Variants in CDKAL1 observed in about 807,000 individuals in gnomAD.
CDKAL1 encodes CDKAL1 threonylcarbamoyladenosine tRNA methylthiotransferase, also known as threonylcarbamoyladenosine tRNA methylthiotransferase.
In CDKAL1, 32 loss-of-function variants were observed where a neutral mutation model predicts 68.2. The observed-to-expected ratio is 0.47, with a 90% CI of 0.35 to 0.63. The LOEUF is 0.63. Ranked by LOEUF, CDKAL1 falls within the 30% of genes least tolerant of loss-of-function variation. The probability of loss-of-function intolerance (pLI) is 0.00; values close to 1 mark genes in which losing one functional copy is unlikely to be tolerated. For missense variants in CDKAL1, 606 were observed against 696.7 expected (o/e 0.87, Z 1.47); for synonymous variants, 234 against 244.3 (o/e 0.96, Z 0.39).
chr6:20,856,118 G>A (rs1759323077), intron 9 of CDKAL1, among the ~76,000 whole-genome samples: 1 of 152,204 alleles, frequency 6.6e-6, no homozygotes, highest in Admixed American at 6.5e-5. Context: ...TGAGAGCCAT[G>A]CGTCTCTGCT....
At chr6:20,963,227 G>T (rs1056997668) in intron 10 of CDKAL1, among the ~76,000 whole-genome samples, 1 of 151,942 alleles carries the variant, frequency 6.6e-6, no homozygotes, top group Non-Finnish European at 1.5e-5. Flanking sequence ...AAAATTATAG[G>T]CTCTACCTAA....
chr6:20,536,516 C>T (rs1332264238), intron 2 of CDKAL1, among the ~76,000 whole-genome samples: 2 of 151,888 alleles, frequency 1.3e-5, no homozygotes, highest in Non-Finnish European at 2.9e-5. Context: ...ACGCTTTCCC[C>T]CTTGAATTGT....
chr6:20,616,130 A>G (rs1245319009), intron 4 of CDKAL1, among the ~76,000 whole-genome samples: 7 of 150,168 alleles, frequency 4.7e-5, no homozygotes, highest in African/African-American at 1.5e-4. Flanking sequence ...GTTCTGTTCC[A>G]TTGATCTATA....
At chr6:21,134,438 TATTA>T (rs573130296) in intron 13 of CDKAL1, among the ~76,000 whole-genome samples, 4 of 152,256 alleles carry the variant, frequency 2.6e-5, no homozygotes, top group East Asian at 1.9e-4. Flanking sequence ...TTTTATGTTT[TATTA>T]ATTATGTTTT....
chr6:20,777,448 A>T (rs943066505), intron 7 of CDKAL1, among the ~76,000 whole-genome samples: 2 of 152,072 alleles, frequency 1.3e-5, no homozygotes, highest in African/African-American at 2.4e-5. Flanking sequence ...CCTCATCTCT[A>T]TAAAAAAAAT....
intron 5 of CDKAL1, among the ~76,000 whole-genome samples, chr6:20,681,536 T>C (rs774862705): frequency 8.5e-5 from 13 of 152,232 alleles, no homozygotes; most frequent in African/African-American, 2.7e-4. Context: ...GTGACTGTTA[T>C]CAGTTTACTT....
intron 5 of CDKAL1, among the ~76,000 whole-genome samples, chr6:20,650,906 G>C (rs1768732441): frequency 6.6e-6 from 1 of 152,000 alleles, no homozygotes. Flanking sequence ...CTGTTTCCTT[G>C]GTCTATGTAT....
At chr6:20,541,079 A>G (rs1401961760) in intron 2 of CDKAL1, among the ~76,000 whole-genome samples, 2 of 152,226 alleles carry the variant, frequency 1.3e-5, no homozygotes, top group Non-Finnish European at 2.9e-5. Context: ...GTCTTTAATA[A>G]TGCACACTGT....
chr6:21,197,314 C>T (rs1778514398), intron 13 of CDKAL1, among the ~76,000 whole-genome samples: 1 of 152,122 alleles, frequency 6.6e-6, no homozygotes, highest in Admixed American at 6.5e-5. Context: ...AAATGGGTGC[C>T]TAGATCATAA....
intron 9 of CDKAL1, among the ~76,000 whole-genome samples, chr6:20,860,837 A>G (rs1355053171): frequency 6.6e-6 from 1 of 151,882 alleles, no homozygotes; most frequent in Non-Finnish European, 1.5e-5. Flanking sequence ...AAAAAAAAAT[A>G]CTTGCTGAAT....
chr6:20,907,864 C>A (rs762144907), intron 9 of CDKAL1, among the ~76,000 whole-genome samples: 3 of 152,180 alleles, frequency 2.0e-5, no homozygotes, highest in Non-Finnish European at 2.9e-5. Context: ...CCAAGCACTT[C>A]TTGTGGGCAC....
At chr6:20,564,398 G>A (rs1182743666) in intron 4 of CDKAL1, among the ~76,000 whole-genome samples, 1 of 152,102 alleles carries the variant, frequency 6.6e-6, no homozygotes, top group Non-Finnish European at 1.5e-5. Context: ...GTTTACCTAT[G>A]TTTAATATTT....
At chr6:20,917,228 G>T (rs868140043) in intron 9 of CDKAL1, among the ~76,000 whole-genome samples, 1 of 152,094 alleles carries the variant, frequency 6.6e-6, no homozygotes, top group African/African-American at 2.4e-5. Flanking sequence ...TGATCCGCCC[G>T]CCTCGGCCTC....
intron 11 of CDKAL1, among the ~76,000 whole-genome samples, chr6:21,060,889 T>A (rs888459226): frequency 1.3e-5 from 2 of 152,156 alleles, no homozygotes; most frequent in Non-Finnish European, 1.5e-5. Context: ...TCTCTTTGTC[T>A]TTTGAGATGA....
At position 21,144,088 on chromosome 6, in the gene CDKAL1, A is replaced by G. The variant is rs116349670; in HGVS notation, c.1299+35625A>G. Among the ~76,000 whole-genome samples the G allele has an allele frequency of 7.4e-3, 1,127 of 152,194 alleles. 15 individuals are homozygous for G. Among genetic ancestry groups the G allele is most frequent in the African/African-American group, 0.026 (1,080 of 41,522 alleles). Reference sequence around the variant, plus strand: ...TGAAGTTTTAAATTTTGCCTTATTTATAGATATGTGCCCAAATCATCATGT... The same window carrying G: ...TGAAGTTTTAAATTTTGCCTTATTTGTAGATATGTGCCCAAATCATCATGT... On this transcript the variant is annotated intron_variant, in intron 13 of 15. Transcript: ENST00000274695.
intron 9 of CDKAL1, among the ~76,000 whole-genome samples, chr6:20,868,648 G>GCGGAGGAC (rs1440814425): frequency 2.6e-5 from 4 of 152,378 alleles, no homozygotes; most frequent in East Asian, 1.9e-4. Context: ...GCCAGGGCTA[G>GCGGAGGAC]CGGAGGACCG....
intron 8 of CDKAL1, among the ~76,000 whole-genome samples, chr6:20,842,909 A>G (rs1778233462): frequency 6.6e-6 from 1 of 152,154 alleles, no homozygotes; most frequent in South Asian, 2.1e-4. Flanking sequence ...TTTAACACAG[A>G]GTTTTTTGAA....
chr6:21,074,311 T>G (rs1771951382), intron 12 of CDKAL1, among the ~76,000 whole-genome samples: 1 of 152,198 alleles, frequency 6.6e-6, no homozygotes, highest in African/African-American at 2.4e-5. Context: ...CGTGTATGTC[T>G]CTGTCTTTAC....
At chr6:21,188,204 A>T (rs1778091272) in intron 13 of CDKAL1, among the ~76,000 whole-genome samples, 1 of 152,178 alleles carries the variant, frequency 6.6e-6, no homozygotes, top group South Asian at 2.1e-4. Flanking sequence ...TGTTTATGAC[A>T]ATCTTAATAT....
Sources: gnomAD v4.1 joint callset for allele counts (sites outside exome capture counted in the v4.1 genomes callset) on GRCh38, gnomAD v4.1.1 for gene constraint, MANE v1.5 for transcripts, NCBI Gene and HGNC (gene_info 2026-07-23, HGNC 2026-07-21) for gene names.